The following SWAP70 variants were observed in gnomAD, a reference collection of about 807,000 sequenced individuals.
SWAP70 encodes switch-associated protein 70.
Under a neutral mutation model 80.2 loss-of-function variants are expected in SWAP70, and 34 were observed. That is an observed-to-expected ratio of 0.42 (90% CI 0.32 to 0.56). The LOEUF is 0.56. SWAP70 is among the 20% of genes least tolerant of loss of function. SWAP70 has a pLI of 0.09. For missense variants in SWAP70, 578 were observed against 690.7 expected, an observed-to-expected ratio of 0.84 and a Z score of 1.83; for synonymous variants, 239 against 238.5, an observed-to-expected ratio of 1.00 and a Z score of -0.02.
intron 2 of SWAP70, among the ~76,000 whole-genome samples, chr11:9,697,107 AATAC>A (rs1178752533): frequency 1.3e-5 from 2 of 151,938 alleles, no homozygotes; most frequent in East Asian, 3.8e-4. Context: ...ATCAAACCTA[AATAC>A]ACAACTATAT....
chr11:9,681,302 G>A (rs183306070), intron 1 of SWAP70: 1 of 152,156 alleles, frequency 6.6e-6, no homozygotes, highest in African/African-American at 2.4e-5. Context: ...TGGAGTAGAA[G>A]GTTTGTTTTA....
chr11:9,690,902 A>ATAAT (rs969072926), intron 1 of SWAP70, among the ~76,000 whole-genome samples: 1 of 151,880 alleles, frequency 6.6e-6, no homozygotes, highest in African/African-American at 2.4e-5. Context: ...CATATATATT[A>ATAAT]TAATTAATTA....
At chr11:9,692,540 A>T (rs1002877408) in intron 1 of SWAP70, among the ~76,000 whole-genome samples, 2 of 152,002 alleles carry the variant, frequency 1.3e-5, no homozygotes, top group Admixed American at 6.6e-5. Flanking sequence ...TGTTTTATGG[A>T]TATACCTTAA....
chr11:9,751,511 AAG>A lies in SWAP70; in HGVS notation c.*1542_*1543del, dbSNP rs1851589538. On this transcript the variant is annotated 3_prime_UTR_variant, in exon 12 of 12. Coordinates refer to ENST00000318950, the MANE Select transcript of SWAP70 (RefSeq NM_015055.4). ...GGGGATAATTCAGTTGTTGCAAAAA[AAG>A]GGCAGAATTCAGTAGAATAAAGTCC... is the stretch of plus-strand genomic sequence containing the variant. 1 of 152,248 alleles carries A rather than the reference AAG, an allele frequency of 6.6e-6. No individual in the cohort carries two copies. The highest frequency in any genetic ancestry group is 2.4e-5 in the African/African-American group (1 of 41,466). The allele number at this position is 152,248 out of a possible 1,614,324, so 9.4% of individuals were successfully genotyped here.
chr11:9,702,730 A>G (rs985253516), intron 2 of SWAP70, among the ~76,000 whole-genome samples: 5 of 152,124 alleles, frequency 3.3e-5, no homozygotes, highest in Admixed American at 2.6e-4. Flanking sequence ...TGAAAGTTAC[A>G]TAGTTTTAAT....
intron 1 of SWAP70, among the ~76,000 whole-genome samples, chr11:9,669,881 A>G (rs999740510): frequency 6.6e-6 from 1 of 152,136 alleles, no homozygotes; most frequent in Non-Finnish European, 1.5e-5. Context: ...TAATCCCAGC[A>G]CTTTGGGAGG....
At chr11:9,720,563 C>T (rs190682421) in intron 3 of SWAP70, 15 of 835,246 alleles carry the variant, frequency 1.8e-5, no homozygotes, top group Admixed American at 6.2e-5. Flanking sequence ...GTCTCACCCA[C>T]GTGTAGTCAT....
At chr11:9,672,030 TTAA>T (rs1298588000) in intron 1 of SWAP70, among the ~76,000 whole-genome samples, 12 of 121,092 alleles carry the variant, frequency 9.9e-5, no homozygotes, top group East Asian at 6.8e-4. Flanking sequence ...AATATATATT[TTAA>T]TAATATATTT....
chr11:9,714,807 A>ATT (rs71034737), intron 3 of SWAP70, among the ~76,000 whole-genome samples: 1,580 of 127,488 alleles, frequency 0.012, 26 homozygotes, highest in African/African-American at 0.031. Context: ...CCAAAAGGGG[A>ATT]TTTTTTTTTT....
In SWAP70 at chr11:9,732,729, C is replaced by G; in HGVS notation, c.1080+19C>G. The G allele has an allele frequency of 6.5e-7, 1 of 1,530,412 alleles. No homozygotes were observed. Among genetic ancestry groups the G allele is most frequent in the African/African-American group, 1.4e-5 (1 of 71,700 alleles). 94.8% of individuals were successfully genotyped at this position (1,530,412 alleles called of 1,614,324 possible). ...GCGGAAGGTGGGAATGGGCGCTGGG[C>G]TGGGAGAGGGCCCTTCATTCCCCTG... is the stretch of plus-strand genomic sequence containing the variant. On this transcript the variant is annotated intron_variant, in intron 7 of 11. Coordinates refer to ENST00000318950, the MANE Select transcript of SWAP70 (RefSeq NM_015055.4).
rs371010938 is a variant in SWAP70 at position 9,747,858 on chromosome 11, G to A, written c.1356G>A (p.Arg452=). Residue 452 remains arginine (R), a splice_region_variant and synonymous_variant, in exon 10 of 12, where the codon AGG becomes AGA. Transcript: ENST00000318950. ...DEETVRKLQA[R]LLEEESSKRA... Reference sequence around the variant, plus strand: ...TCTGGAGCTTTCCTCCACATTGTAGGTTGTTGGAGGAAGAGTCTTCCAAGA... The same window carrying A: ...TCTGGAGCTTTCCTCCACATTGTAGATTGTTGGAGGAAGAGTCTTCCAAGA... 1.1e-5 allele frequency: 17 copies of A among 1,614,046 alleles called. No homozygotes were observed. The highest frequency in any genetic ancestry group is 1.4e-5 in the Non-Finnish European group (16 of 1,179,914).
intron 2 of SWAP70, among the ~76,000 whole-genome samples, chr11:9,705,362 A>G (rs963378291): frequency 7.1e-6 from 1 of 140,776 alleles, no homozygotes; most frequent in African/African-American, 2.9e-5. Flanking sequence ...TGATCTGTGT[A>G]TACTTGGTGA....
At chr11:9,719,699 A>C (rs1851111394) in intron 3 of SWAP70, among the ~76,000 whole-genome samples, 1 of 152,304 alleles carries the variant, frequency 6.6e-6, no homozygotes, top group Non-Finnish European at 1.5e-5. Context: ...TTCGTTCCAT[A>C]ATTTTTGTTA....
chr11:9,674,268 C>T (rs950573032), intron 1 of SWAP70, among the ~76,000 whole-genome samples: 1 of 152,028 alleles, frequency 6.6e-6, no homozygotes, highest in African/African-American at 2.4e-5. Context: ...AGGGCTATGG[C>T]GTTATGAGCC....
chr11:9,682,790 C>T (rs990156212), intron 1 of SWAP70, among the ~76,000 whole-genome samples: 1 of 152,188 alleles, frequency 6.6e-6, no homozygotes. Context: ...GATTCTCATG[C>T]CTCAGCCTCC....
chr11:9,707,746 C>A (rs12271923), intron 2 of SWAP70, among the ~76,000 whole-genome samples: 50,167 of 151,212 alleles, frequency 0.33, 8,570 homozygotes, highest in Non-Finnish European at 0.36. Context: ...TGTAGAGACG[C>A]GGTATCACCA....
At chr11:9,714,808 T>C (rs1044972696) in intron 3 of SWAP70, among the ~76,000 whole-genome samples, 7 of 34,888 alleles carry the variant, frequency 2.0e-4, no homozygotes, top group African/African-American at 1.9e-3. Context: ...CAAAAGGGGA[T>C]TTTTTTTTTT....
At chr11:9,749,017 C>T in intron 10 of SWAP70, 70 bp from the exon 11 acceptor site, 1 of 897,708 alleles carries the variant, frequency 1.1e-6, no homozygotes, top group Non-Finnish European at 1.8e-6. Flanking sequence ...ATAGTAAGGG[C>T]CCAATAGTTG....
chr11:9,731,629 A>G (rs1031708890), intron 6 of SWAP70, among the ~76,000 whole-genome samples: 12 of 152,218 alleles, frequency 7.9e-5, no homozygotes, highest in Non-Finnish European at 1.5e-4. Context: ...ATAGTACTTT[A>G]TGTATTGCTA....
Sources: allele counts gnomAD v4.1 joint callset (sites outside exome capture counted in the v4.1 genomes callset), GRCh38; gene constraint gnomAD v4.1.1; transcripts MANE v1.5; gene names NCBI Gene and HGNC (gene_info 2026-07-23, HGNC 2026-07-21).